The following ITIH5 variants were observed in gnomAD, a reference collection of about 807,000 sequenced individuals.
ITIH5 encodes the protein inter-alpha-trypsin inhibitor heavy chain H5.
In ITIH5, 65 loss-of-function variants were observed where a neutral mutation model predicts 77.5. The ratio of observed to expected loss-of-function variants is 0.84; its 90% CI spans 0.69 to 1.03. The LOEUF (loss-of-function observed/expected upper bound fraction) is 1.03, where lower values mean the gene tolerates loss of function less well. ITIH5 is among the 50% of genes least tolerant of loss of function. ITIH5 has a pLI of 0.00. For missense variants in ITIH5, 1,208 were observed against 1,213.1 expected (o/e 1.00, Z 0.06); for synonymous variants, 525 against 494.3 (o/e 1.06, Z -0.82).
Position 7,666,918 on chromosome 10 carries a change from G to C in ITIH5, c.-26C>G. 6.4e-7 allele frequency: 1 copy of C among 1,565,640 alleles called. No individual in the cohort carries two copies. The highest frequency in any genetic ancestry group is 1.2e-5 in the South Asian group (1 of 86,656). ...GGCGGGGCGAGGGCGCGGGACGCTCGGGGACCCGGCGGGACACGCTTTGCA... is the reference window on the plus strand; with the variant it reads ...GGCGGGGCGAGGGCGCGGGACGCTCCGGGACCCGGCGGGACACGCTTTGCA... On this transcript the variant is annotated 5_prime_UTR_variant, in exon 1 of 14. Coordinates refer to ENST00000397146, the MANE Select transcript of ITIH5 (RefSeq NM_030569.7).
At chr10:7,571,776 G>A (rs1466079402) in intron 11 of ITIH5, 1 of 159,204 alleles carries the variant, frequency 6.3e-6, no homozygotes, top group Non-Finnish European at 1.3e-5. Flanking sequence ...AAGGAGATGC[G>A]ATGTAAATAG....
chr10:7,662,380 CAG>C (rs914600545), intron 1 of ITIH5, among the ~76,000 whole-genome samples: 25 of 151,844 alleles, frequency 1.6e-4, no homozygotes, highest in African/African-American at 6.0e-4. Context: ...GAGAGACAGA[CAG>C]AGAAAAGAAA....
Position 7,613,061 on chromosome 10 carries a change from A to G in ITIH5, c.939+2921T>C, listed in dbSNP as rs937821778. Among the ~76,000 whole-genome samples, 21 of 152,212 alleles carry G rather than the reference A, an allele frequency of 1.4e-4. 1 individual carries two copies. The highest frequency in any genetic ancestry group is 3.9e-4 in the African/African-American group (16 of 41,452). ...GGAGTTCGAGACCAGCCTGGCCAACATGGTGAAATCCCACCTCTACTAAAA... is the reference window on the plus strand; with the variant it reads ...GGAGTTCGAGACCAGCCTGGCCAACGTGGTGAAATCCCACCTCTACTAAAA... On this transcript the variant is annotated intron_variant, in intron 7 of 13. Coordinates refer to ENST00000397146, the MANE Select transcript of ITIH5 (RefSeq NM_030569.7).
chr10:7,608,212 A>G (rs921863283), intron 7 of ITIH5, among the ~76,000 whole-genome samples: 6 of 152,178 alleles, frequency 3.9e-5, no homozygotes, highest in Non-Finnish European at 5.9e-5. Context: ...TGGGTCCCGC[A>G]GCTCATGCTG....
intron 7 of ITIH5, among the ~76,000 whole-genome samples, chr10:7,603,790 A>G (rs111362532): frequency 0.053 from 8,042 of 152,140 alleles, 278 homozygotes; most frequent in African/African-American, 0.089. Flanking sequence ...TCACTGTGTT[A>G]GCCAGGATGG....
At chr10:7,643,842 A>G (rs1351133162) in intron 2 of ITIH5, among the ~76,000 whole-genome samples, 4 of 152,226 alleles carry the variant, frequency 2.6e-5, no homozygotes, top group Admixed American at 6.5e-5. Context: ...ATTCTATTTA[A>G]ACAAATACGC....
intron 7 of ITIH5, among the ~76,000 whole-genome samples, chr10:7,610,927 G>A (rs1354115839): frequency 5.3e-5 from 8 of 152,206 alleles, no homozygotes; most frequent in Non-Finnish European, 1.2e-4. Flanking sequence ...CAGGAATGAA[G>A]GAAGAGGGGA....
chr10:7,632,044 C>T (rs1012162898), intron 5 of ITIH5, among the ~76,000 whole-genome samples: 4 of 151,864 alleles, frequency 2.6e-5, no homozygotes, highest in African/African-American at 7.2e-5. Context: ...AGTGATCCAC[C>T]GACCTTGCCC....
intron 2 of ITIH5, among the ~76,000 whole-genome samples, chr10:7,648,306 G>C (rs750767777): frequency 6.0e-5 from 9 of 151,094 alleles, no homozygotes; most frequent in Non-Finnish European, 1.2e-4. Context: ...AGTGATTATT[G>C]TTTGATAACC....
intron 7 of ITIH5, among the ~76,000 whole-genome samples, chr10:7,587,231 C>G (rs893270482): frequency 1.3e-5 from 2 of 152,150 alleles, no homozygotes; most frequent in Non-Finnish European, 2.9e-5. Flanking sequence ...ACACTAAAAT[C>G]AGCTGTGACG....
At chr10:7,577,825 G>C (rs1032690530) in intron 9 of ITIH5, among the ~76,000 whole-genome samples, 12 of 152,126 alleles carry the variant, frequency 7.9e-5, no homozygotes, top group Admixed American at 7.9e-4. Context: ...AGAAAATCAG[G>C]ATGTAAACAG....
Position 7,573,149 on chromosome 10 carries a change from T to A in ITIH5, c.2025A>T (p.Lys675Asn). 1 of 1,613,554 alleles carries A rather than the reference T, an allele frequency of 6.2e-7. No individual in the cohort carries two copies. Residue 675 changes from lysine to asparagine, a missense_variant, in exon 11 of 14, where the codon AAA becomes AAT. Transcript: ENST00000397146. ...KPYQPRIKIS[K>N]TSVDGDPHFV... is the part of the protein sequence containing the mutation. Reference sequence around the variant, plus strand: ...CCGCATCCTTTGCTTTACCTGATGTTTTAGAGATTTTAATTCTTGGCTGGT... The same window carrying A: ...CCGCATCCTTTGCTTTACCTGATGTATTAGAGATTTTAATTCTTGGCTGGT...
intron 2 of ITIH5, among the ~76,000 whole-genome samples, chr10:7,645,282 T>A (rs1833993543): frequency 6.6e-6 from 1 of 152,066 alleles, no homozygotes; most frequent in Non-Finnish European, 1.5e-5. Flanking sequence ...TTGAAAGAGT[T>A]TTGCCTAAAA....
intron 9 of ITIH5, among the ~76,000 whole-genome samples, chr10:7,579,528 GAA>G (rs113401246): frequency 0.019 from 2,691 of 138,888 alleles, 85 homozygotes; most frequent in African/African-American, 0.068. Context: ...TCCATCACAA[GAA>G]AAAAAAAAAA....
chr10:7,585,849 A>AC, intron 8 of ITIH5, 52 bp downstream of exon 8: 2 of 1,470,794 alleles, frequency 1.4e-6, no homozygotes, highest in East Asian at 2.3e-5. Context: ...AACCAAAAAA[A>AC]AAAACATTAT....
At chr10:7,591,266 C>T (rs1308081816) in intron 7 of ITIH5, among the ~76,000 whole-genome samples, 1 of 152,162 alleles carries the variant, frequency 6.6e-6, no homozygotes, top group Non-Finnish European at 1.5e-5. Context: ...TCTTTTATTT[C>T]CTGCTAGTCT....
At chr10:7,655,587 G>A (rs1387067115) in intron 2 of ITIH5, 44 bp downstream of exon 2, 1 of 1,490,158 alleles carries the variant, frequency 6.7e-7, no homozygotes, top group Non-Finnish European at 9.4e-7. Context: ...ATAAATAGAA[G>A]AATGAGGGAA....
chr10:7,625,546 C>G (rs934102303), intron 5 of ITIH5, among the ~76,000 whole-genome samples: 1 of 152,124 alleles, frequency 6.6e-6, no homozygotes, highest in Non-Finnish European at 1.5e-5. Context: ...AGGTAGATCA[C>G]TTGATGTCAG....
chr10:7,640,686 G>T, intron 4 of ITIH5, 68 bp downstream of exon 4: 1 of 938,174 alleles, frequency 1.1e-6, no homozygotes, highest in Non-Finnish European at 1.7e-6. Flanking sequence ...AGAGGAGTAG[G>T]CAAAGGCATA....
Sources: gnomAD v4.1 joint callset for allele counts (sites outside exome capture counted in the v4.1 genomes callset) on GRCh38, gnomAD v4.1.1 for gene constraint, MANE v1.5 for transcripts, NCBI Gene and HGNC (gene_info 2026-07-23, HGNC 2026-07-21) for gene names.